SMYD4: variants seen among roughly 807,000 people sequenced by gnomAD.
SMYD4 encodes SET and MYND domain containing 4.
In SMYD4, 68 loss-of-function variants were observed where a neutral mutation model predicts 72.8. The ratio of observed to expected loss-of-function variants is 0.93; its 90% CI spans 0.77 to 1.14. The LOEUF (loss-of-function observed/expected upper bound fraction) is 1.14. Ranked by LOEUF, SMYD4 falls within the 50% of genes most tolerant of loss-of-function variation. The pLI, the probability that SMYD4 is intolerant of heterozygous loss-of-function variation, is 0.00. For missense variants in SMYD4, 984 were observed against 1,003.7 expected (o/e 0.98, Z 0.27); for synonymous variants, 407 against 388.6 (o/e 1.05, Z -0.56).
intron 1 of SMYD4, 62 bp from the exon 2 acceptor site, chr17:1,828,068 C>A: frequency 6.5e-7 from 1 of 1,536,066 alleles, no homozygotes; most frequent in Non-Finnish European, 8.9e-7. Context: ...ATCAAGAGTT[C>A]AGCCAGGTAC....
intron 5 of SMYD4, among the ~76,000 whole-genome samples, chr17:1,795,746 A>AGTTTTTT (rs1555575979): frequency 7.1e-5 from 3 of 42,412 alleles, no homozygotes; most frequent in Non-Finnish European, 1.6e-4. Context: ...CTGGCCCGTG[A>AGTTTTTT]GTTTTTTTTT....
At chr17:1,813,219 A>G (rs943645568) in intron 2 of SMYD4, among the ~76,000 whole-genome samples, 2 of 152,148 alleles carry the variant, frequency 1.3e-5, no homozygotes, top group African/African-American at 4.8e-5. Flanking sequence ...GATTACAGGC[A>G]TGTGCTACTG....
Position 1,810,140 on chromosome 17 carries a change from A to T in SMYD4, c.279+1831T>A, listed in dbSNP as rs1910253508. Among the ~76,000 whole-genome samples the T allele has an allele frequency of 3.3e-5, 5 of 152,180 alleles. No individual in the cohort carries two copies. In the South Asian group the frequency reaches 1.0e-3, roughly 31 times the overall value. On this transcript the variant is annotated intron_variant, in intron 3 of 10. Coordinates refer to ENST00000305513, the MANE Select transcript of SMYD4 (RefSeq NM_052928.3). ...TCTATCAAGCTAACAGTCTCATCAG[A>T]CATTCAGACAAAAATGGCATGTAGT...
At chr17:1,790,426 C>A (rs747400020) in intron 5 of SMYD4, among the ~76,000 whole-genome samples, 3 of 152,102 alleles carry the variant, frequency 2.0e-5, no homozygotes, top group African/African-American at 7.2e-5. Flanking sequence ...AGTTCCTCAA[C>A]CAAATTTAAT....
rs142560751 is a variant in SMYD4 at position 1,813,204 on chromosome 17, G to A, written c.135-1089C>T. 2.6e-5 allele frequency among the ~76,000 whole-genome samples: 4 copies of A among 152,336 alleles called. No homozygotes were observed. In the East Asian group the frequency reaches 5.8e-4, roughly 22 times the overall value. On this transcript the variant is annotated intron_variant, in intron 2 of 10. Coordinates refer to ENST00000305513, the MANE Select transcript of SMYD4 (RefSeq NM_052928.3). ...TCCGCCTGCCTGGGCCTCCCAAAGT[G>A]TTGGGATTACAGGCATGTGCTACTG...
At chr17:1,803,517 C>CA (rs1337221961) in intron 4 of SMYD4, among the ~76,000 whole-genome samples, 1 of 152,192 alleles carries the variant, frequency 6.6e-6, no homozygotes, top group Non-Finnish European at 1.5e-5. Context: ...TCTTTTGAGA[C>CA]AGAGTCCTGT....
At chr17:1,820,740 G>T (rs543706977) in intron 2 of SMYD4, among the ~76,000 whole-genome samples, 6 of 152,276 alleles carry the variant, frequency 3.9e-5, no homozygotes, top group Non-Finnish European at 8.8e-5. Flanking sequence ...GTGGACAGTG[G>T]GAGGTCGTGT....
chr17:1,816,491 G>C (rs193117881), intron 2 of SMYD4, among the ~76,000 whole-genome samples: 71 of 151,666 alleles, frequency 4.7e-4, no homozygotes, highest in Non-Finnish European at 2.9e-5. Flanking sequence ...GTGGTGGTGC[G>C]TGTGTGTAAT....
At chr17:1,818,953 CAATTT>C (rs563287238) in intron 2 of SMYD4, among the ~76,000 whole-genome samples, 63 of 149,746 alleles carry the variant, frequency 4.2e-4, no homozygotes, top group African/African-American at 1.6e-3. Flanking sequence ...TGGCCAATTA[CAATTT>C]TTTTAATGAG....
intron 7 of SMYD4, among the ~76,000 whole-genome samples, chr17:1,785,000 G>A (rs1908580832): frequency 6.7e-6 from 1 of 149,320 alleles, no homozygotes; most frequent in African/African-American, 2.5e-5. Context: ...TGTAAGCCAG[G>A]ATGGTCTCGA....
At position 1,804,319 on chromosome 17, in the gene SMYD4, T is replaced by C. The variant is rs1909924852; in HGVS notation, c.369+307A>G. On this transcript the variant is annotated intron_variant, in intron 4 of 10. Transcript: ENST00000305513. Reference sequence around the variant, plus strand: ...CTGAGTAGCTGGGACTACAGATGCATGCTACTACACCCGGCTAATTTTTAT... The same window carrying C: ...CTGAGTAGCTGGGACTACAGATGCACGCTACTACACCCGGCTAATTTTTAT... 4 of 270,566 alleles carry C rather than the reference T, an allele frequency of 1.5e-5. No individual in the cohort carries two copies. The South Asian group carries it at 1.7e-4, about 11-fold the overall frequency. The allele number at this position is 270,566 out of a possible 1,614,324, so 16.8% of individuals were successfully genotyped here. A position where few individuals can be genotyped will look rare whatever the true frequency, so the allele number is the denominator to read the frequency against.
rs555065084 is a variant in SMYD4, at chr17:1,807,420, C to T, written c.280-2705G>A. The stretch of plus-strand genomic sequence containing the variant: ...GCTCACTAAAACTTCCGCGTACCGC[C>T]CCCCCCGGCCCCCACACCGGCAACC... On this transcript the variant is annotated intron_variant, in intron 3 of 10. Transcript: ENST00000305513. 1.2e-3 allele frequency among the ~76,000 whole-genome samples: 180 copies of T among 151,690 alleles called. 2 individuals are homozygous for T. Among genetic ancestry groups the T allele is most frequent in the African/African-American group, 3.7e-3 (152 of 41,360 alleles).
At chr17:1,798,971 C>G (rs1909554022) in intron 5 of SMYD4, among the ~76,000 whole-genome samples, 1 of 151,252 alleles carries the variant, frequency 6.6e-6, no homozygotes, top group South Asian at 2.1e-4. Flanking sequence ...TAAAGAATTT[C>G]AAAAGAATTT....
At chr17:1,785,239 C>G (rs1404540309) in intron 7 of SMYD4, among the ~76,000 whole-genome samples, 1 of 141,304 alleles carries the variant, frequency 7.1e-6, no homozygotes, top group African/African-American at 2.6e-5. Context: ...CTGGCTAACA[C>G]GGTGAAACCC....
chr17:1,796,752 G>A (rs1217544140), intron 5 of SMYD4, among the ~76,000 whole-genome samples: 1 of 152,032 alleles, frequency 6.6e-6, no homozygotes, highest in African/African-American at 2.4e-5. Context: ...GTATTTTAAA[G>A]GCAAGACATG....
intron 7 of SMYD4, among the ~76,000 whole-genome samples, chr17:1,786,119 T>C (rs975252527): frequency 3.9e-5 from 6 of 152,160 alleles, no homozygotes; most frequent in Non-Finnish European, 7.3e-5. Context: ...AGGAAAACTA[T>C]GTCTAATTTT....
intron 5 of SMYD4, among the ~76,000 whole-genome samples, chr17:1,789,364 G>A (rs547070236): frequency 6.6e-6 from 1 of 152,256 alleles, no homozygotes; most frequent in East Asian, 1.9e-4. Flanking sequence ...TCCAGCCTGG[G>A]TGACAGAGCA....
chr17:1,804,193 T>C (rs576758705), intron 4 of SMYD4, among the ~76,000 whole-genome samples: 112 of 151,052 alleles, frequency 7.4e-4, no homozygotes, highest in African/African-American at 2.6e-3. Flanking sequence ...TTTTTTGAGA[T>C]AGAGTCTCAC....
chr17:1,787,686 G>T, intron 5 of SMYD4, 82 bp from the exon 6 acceptor site: 1 of 1,396,538 alleles, frequency 7.2e-7, no homozygotes, highest in East Asian at 2.5e-5. Context: ...AAGATGAGCT[G>T]GGCAGCTAGG....
Sources: allele counts gnomAD v4.1 joint callset (sites outside exome capture counted in the v4.1 genomes callset), GRCh38; gene constraint gnomAD v4.1.1; transcripts MANE v1.5; gene names NCBI Gene and HGNC (gene_info 2026-07-23, HGNC 2026-07-21).